The following GPHN variants were observed in gnomAD, a reference collection of about 807,000 sequenced individuals.
The protein encoded by GPHN is gephyrin.
A neutral mutation model predicts 95.5 loss-of-function variants in GPHN; 17 were observed. The observed-to-expected ratio is 0.18, with a 90% confidence interval of 0.12 to 0.27. The LOEUF is 0.27. GPHN is among the 10% of genes least tolerant of loss of function. GPHN has a pLI of 1.00. For synonymous variants in GPHN, 320 were observed against 322.5 expected, an observed-to-expected ratio of 0.99 and a Z score of 0.08; for missense variants, 660 against 978.1, an observed-to-expected ratio of 0.67 and a Z score of 4.34.
At chr14:66,960,302 C>T (rs530754749) in intron 8 of GPHN, among the ~76,000 whole-genome samples, 2 of 143,468 alleles carry the variant, frequency 1.4e-5, no homozygotes, top group South Asian at 2.2e-4. Context: ...TCCCTGTGTA[C>T]AGGTTATACT....
chr14:67,230,273 G>C, the GPHN span, among the ~76,000 whole-genome samples: 1 of 152,106 alleles, frequency 6.6e-6, no homozygotes, highest in African/African-American at 2.4e-5. Flanking sequence ...AAAGAGTTTG[G>C]AAAATTAAGT....
At position 66,856,815 on chromosome 14, in the gene GPHN, A is replaced by G. The variant is rs112364718; in HGVS notation, c.295-23124A>G. 3.1e-3 allele frequency among the ~76,000 whole-genome samples: 469 copies of G among 152,244 alleles called. 11 individuals are homozygous for G. Among genetic ancestry groups the G allele is most frequent in the African/African-American group, 0.011 (444 of 41,572 alleles). The stretch of plus-strand genomic sequence containing the variant: ...AATTCAAGAACGGTAAATTTTAGAC[A>G]TCCTTTAATTTCATTTTTATCATTA... On this transcript the variant is annotated intron_variant, in intron 4 of 22. Coordinates refer to ENST00000478722, the MANE Select transcript of GPHN (RefSeq NM_020806.5).
intron 1 of GPHN, among the ~76,000 whole-genome samples, chr14:66,626,500 G>A (rs1457316471): frequency 6.6e-6 from 1 of 151,940 alleles, no homozygotes; most frequent in African/African-American, 2.4e-5. Flanking sequence ...TGAACTTTAG[G>A]TAACATGTTA....
chr14:67,692,800 C>T, the GPHN span: 1 of 877,130 alleles, frequency 1.1e-6, no homozygotes, highest in Non-Finnish European at 1.8e-6. Flanking sequence ...GTACTAGTTT[C>T]AGATCAGCAA....
chr14:67,183,021 G>A (rs185405543), downstream of GPHN, among the ~76,000 whole-genome samples: 5 of 151,732 alleles, frequency 3.3e-5, no homozygotes, highest in East Asian at 7.8e-4. Context: ...GATGCTATTG[G>A]GTCTTGAAGG....
chr14:66,687,760 A>G (rs2067488935), intron 2 of GPHN, among the ~76,000 whole-genome samples: 1 of 152,152 alleles, frequency 6.6e-6, no homozygotes, highest in South Asian at 2.1e-4. Flanking sequence ...AAGTGCTGGG[A>G]TTACAGGCAT....
intron 1 of GPHN, among the ~76,000 whole-genome samples, chr14:66,513,039 T>C (rs1729641848): frequency 6.6e-6 from 1 of 151,786 alleles, no homozygotes; most frequent in African/African-American, 2.4e-5. Context: ...AGGAATCCTA[T>C]TTCTTGAAAT....
the GPHN span, among the ~76,000 whole-genome samples, chr14:67,394,371 G>A: frequency 3.9e-5 from 6 of 151,960 alleles, no homozygotes; most frequent in Admixed American, 1.3e-4. Flanking sequence ...ACTCCAGCCC[G>A]GGCAACTGAG....
chr14:66,594,140 A>G (rs1355014735), intron 1 of GPHN, among the ~76,000 whole-genome samples: 2 of 152,150 alleles, frequency 1.3e-5, no homozygotes, highest in African/African-American at 4.8e-5. Flanking sequence ...AGAAAACTAT[A>G]AACCATTTAT....
the GPHN span, among the ~76,000 whole-genome samples, chr14:67,476,282 G>C: frequency 1.3e-5 from 2 of 152,164 alleles, 1 homozygote; most frequent in Admixed American, 1.3e-4. Flanking sequence ...ATTTTGTCAT[G>C]GTTCTTACAT....
intron 1 of GPHN, among the ~76,000 whole-genome samples, chr14:66,666,968 T>A (rs1013443480): frequency 3.9e-5 from 6 of 152,112 alleles, no homozygotes; most frequent in South Asian, 2.1e-4. Context: ...TGTGTAAAAA[T>A]CACTAGCATT....
intron 4 of GPHN, among the ~76,000 whole-genome samples, chr14:66,878,954 A>G (rs1017724262): frequency 6.6e-6 from 1 of 152,138 alleles, no homozygotes; most frequent in Non-Finnish European, 1.5e-5. Context: ...CTTGGAACCA[A>G]CCCAAATGTC....
the GPHN span, among the ~76,000 whole-genome samples, chr14:67,438,911 AC>A: frequency 6.6e-6 from 1 of 151,262 alleles, no homozygotes; most frequent in Non-Finnish European, 1.5e-5. Flanking sequence ...GGATTCTCAC[AC>A]CCAGAGGGTC....
At chr14:67,718,410 A>C in the GPHN span, among the ~76,000 whole-genome samples, 2 of 152,198 alleles carry the variant, frequency 1.3e-5, no homozygotes, top group African/African-American at 2.4e-5. Flanking sequence ...TAACCAGGAG[A>C]CCAGTACAGT....
chr14:67,712,067 G>A, the GPHN span, among the ~76,000 whole-genome samples: 1 of 152,168 alleles, frequency 6.6e-6, no homozygotes, highest in South Asian at 2.1e-4. Flanking sequence ...TTACAGACAT[G>A]TGCCACCACA....
At chr14:66,699,574 G>A (rs2068372979) in intron 2 of GPHN, among the ~76,000 whole-genome samples, 1 of 152,088 alleles carries the variant, frequency 6.6e-6, no homozygotes, top group Non-Finnish European at 1.5e-5. Flanking sequence ...AATAATTTCA[G>A]GTCAATGTGG....
chr14:66,711,587 CT>C (rs57175111), intron 2 of GPHN, among the ~76,000 whole-genome samples: 42,079 of 130,860 alleles, frequency 0.32, 9,685 homozygotes, highest in African/African-American at 0.64. Flanking sequence ...AATGGTAGTT[CT>C]TTTTTTTTTT....
chr14:66,531,291 A>G (rs1406205602), intron 1 of GPHN, among the ~76,000 whole-genome samples: 2 of 152,064 alleles, frequency 1.3e-5, no homozygotes, highest in Non-Finnish European at 2.9e-5. Context: ...TTTCTTTTGC[A>G]GGTGAGTTTG....
Position 66,550,363 on chromosome 14 carries a change from G to A in GPHN, c.64+41772G>A, listed in dbSNP as rs570824363. 8.5e-5 allele frequency among the ~76,000 whole-genome samples: 13 copies of A among 152,296 alleles called. No homozygotes were observed. The East Asian group carries it at 2.3e-3, about 27-fold the overall frequency. ...TAGCAAGAGAACTAGAATTAGAGAT[G>A]GAGCCTGAAGATGTGACTGAATTGC... is the stretch of plus-strand genomic sequence containing the variant. On this transcript the variant is annotated intron_variant, in intron 1 of 22. Transcript: ENST00000478722.
Sources: gnomAD v4.1 joint callset for allele counts (sites outside exome capture counted in the v4.1 genomes callset) on GRCh38, gnomAD v4.1.1 for gene constraint, MANE v1.5 for transcripts, NCBI Gene and HGNC (gene_info 2026-07-23, HGNC 2026-07-21) for gene names.